The following KCP variants were observed in gnomAD, a reference collection of about 807,000 sequenced individuals.
KCP encodes the protein kielin cysteine rich BMP regulator, also known as kielin/chordin-like protein.
In KCP, 194 loss-of-function variants were observed where a neutral mutation model predicts 212.7. The observed-to-expected ratio is 0.91, with a 90% CI of 0.81 to 1.03. The LOEUF is 1.03. KCP is among the 50% of genes least tolerant of loss of function. The pLI is 0.00. For missense variants in KCP, 2,080 were observed against 2,162.5 expected (o/e 0.96, Z 0.76); for synonymous variants, 833 against 865.3 (o/e 0.96, Z 0.65).
chr7:128,882,064 G>A (rs1004928819), intron 29 of KCP, 48 bp from the exon 30 acceptor site: 15 of 1,430,020 alleles, frequency 1.0e-5, no homozygotes, highest in Non-Finnish European at 1.4e-5. Context: ...GGGGCACAGG[G>A]CTGGAAATCC....
Position 128,877,714 on chromosome 7 carries a change from C to G in KCP, c.4388G>C (p.Arg1463Pro). 6.4e-7 allele frequency: 1 copy of G among 1,551,148 alleles called. No homozygotes were observed. The highest frequency in any genetic ancestry group is 8.7e-7 in the Non-Finnish European group (1 of 1,146,972). Residue 1463 changes from arginine to proline, a missense_variant, in exon 39 of 40, where the codon CGT becomes CCT. Arg to Pro is a moderately radical substitution (Grantham distance 103, BLOSUM62 -2). Transcript: ENST00000610776. ...CCGGGCATTGGCCTCACGCCTGGCA[C>G]GGTAACCTGCTGCCCGGCACGGATC... is the stretch of plus-strand genomic sequence containing the variant. ...EVDPCRAAGY[R>P]ARREANARCG...
In KCP at chr7:128,889,199, G is replaced by C. The variant is rs149436845; in HGVS notation, c.2336-160C>G. Among the ~76,000 whole-genome samples the C allele has an allele frequency of 6.8e-3, 1,018 of 150,404 alleles. 5 individuals are homozygous for C. The highest frequency in any genetic ancestry group is 0.027 in the South Asian group (128 of 4,694). ...GCCAAGCCCAGGGGGCAAAGCAGTC[G>C]TGAGGGGGGCGGGGTTTGGATTGGC... is the stretch of plus-strand genomic sequence containing the variant. On this transcript the variant is annotated intron_variant, in intron 21 of 39. Transcript: ENST00000610776.
intron 22 of KCP, 86 bp downstream of exon 22, chr7:128,888,777 G>A: frequency 3.1e-6 from 4 of 1,284,092 alleles, no homozygotes; most frequent in Admixed American, 4.6e-5. Context: ...GGCAGGCAGT[G>A]GGAGGGCTGG....
In KCP at chr7:128,877,773, C is replaced by A. The variant is rs1278857981; in HGVS notation, c.4329G>T (p.Trp1443Cys). 2.6e-6 allele frequency: 4 copies of A among 1,548,522 alleles called. No individual in the cohort carries two copies. The highest frequency in any genetic ancestry group is 4.9e-5 in the East Asian group (2 of 40,890). Residue 1443 changes from tryptophan to cysteine, a missense_variant, in exon 39 of 40, where the codon TGG (tryptophan) becomes TGT (cysteine). Physicochemically the swap from Trp to Cys is radical, Grantham distance 215. Transcript: ENST00000610776. ...GNSWQVSEGL[W>C]PGRPCSAGRE... ...GGCCTGCAGAACAGGGCCGGCCAGG[C>A]CACAGCCCCTCTGAGACCTGGGTGG...
intron 29 of KCP, among the ~76,000 whole-genome samples, chr7:128,882,611 G>A (rs577885982): frequency 5.3e-4 from 81 of 152,286 alleles, no homozygotes; most frequent in African/African-American, 1.9e-3. Flanking sequence ...TTCCCCTGAA[G>A]CACCCCCTAG....
chr7:128,879,500 C>T (rs1793183502), intron 37 of KCP, 22 bp downstream of exon 37: 2 of 1,543,600 alleles, frequency 1.3e-6, no homozygotes, highest in Admixed American at 2.0e-5. Context: ...GCAGCCCACC[C>T]AGACTCGCCC....
intron 5 of KCP, 190 bp from the exon 6 acceptor site, chr7:128,904,328 T>A: frequency 6.4e-7 from 1 of 1,551,900 alleles, no homozygotes; most frequent in Non-Finnish European, 8.7e-7. Flanking sequence ...GGTGCAGCTC[T>A]CCAAGCAGTT....
At position 128,881,015 on chromosome 7, in the gene KCP, G is replaced by A. The variant is rs1248368475; in HGVS notation, c.3495C>T (p.Cys1165=). 2.5e-6 allele frequency: 1 copy of A among 398,998 alleles called. No individual in the cohort carries two copies. The highest frequency in any genetic ancestry group is 4.4e-6 in the Non-Finnish European group (1 of 226,346). The allele number at this position is 398,998 out of a possible 1,614,324, so 24.7% of individuals were successfully genotyped here. Residue 1165 remains cysteine, a synonymous_variant, in exon 32 of 40, where the codon TGC becomes TGT. Transcript: ENST00000610776. The part of the protein sequence containing the change: ...GESWRDPSNA[C]IACTCHRGHV... ...AGCTCACATGGCAGGTGCAGGCGAT[G>A]CACGCATTGCTGGGGTCCCGCCAGC... is the stretch of plus-strand genomic sequence containing the variant.
Position 128,880,430 on chromosome 7 carries a change from C to T in KCP, c.3715G>A (p.Val1239Met), listed in dbSNP as rs749697029. 244 of 1,546,136 alleles carry T rather than the reference C, an allele frequency of 1.6e-4. No homozygotes were observed. The Admixed American group carries it at 2.9e-3, about 18-fold the overall frequency. The part of the protein sequence containing the change: ...CTSCSCMAGT[V>M]RCQSQRCSPL... ...GAGCAGCGCTGGCTCTGGCAACGCA[C>T]GGTGCCCGCCATGCAGGAGCAGCTG... The change falls in exon 34 of 40, where the codon GTG (valine) becomes ATG (methionine). Residue 1239 changes from valine (V) to methionine (M), a missense_variant. Val to Met is a conservative substitution (Grantham distance 21). Transcript: ENST00000610776.
In KCP at chr7:128,893,092, G is replaced by A. The variant is rs905311016; in HGVS notation, c.1268-71C>T. 13 of 961,554 alleles carry A rather than the reference G, an allele frequency of 1.4e-5. No homozygotes were observed. The South Asian group carries it at 1.7e-4, about 12-fold the overall frequency. 59.6% of individuals were successfully genotyped at this position (961,554 alleles called of 1,614,324 possible). A position where few individuals can be genotyped will look rare whatever the true frequency, so the allele number is the denominator to read the frequency against. On this transcript the variant is annotated intron_variant, in intron 13 of 39. Transcript: ENST00000610776. ...CATCCCTGTCCTTCCCAGGACACAG[G>A]GACCCCACCTTCGCCATCCCCGCTG... is the stretch of plus-strand genomic sequence containing the variant.
In KCP at chr7:128,908,244, A is replaced by AAAG. The variant is rs1452634314; in HGVS notation, c.219+179_219+181dup. Among the ~76,000 whole-genome samples, 396 of 92,668 alleles carry AAAG rather than the reference A, an allele frequency of 4.3e-3. 7 individuals carry two copies. Among genetic ancestry groups the AAAG allele is most frequent in the Non-Finnish European group, 6.4e-3 (290 of 45,296 alleles). The allele number at this position is 92,668 out of a possible 152,430, so 60.8% of individuals were successfully genotyped here. ...GGAGGGAAGGAAAGAAGAAAGGAAG[A>AAAG]AAGAAAGAAGAAAGAAAGAAAGAAA... On this transcript the variant is annotated intron_variant, in intron 2 of 39. Transcript: ENST00000610776.
chr7:128,881,553 C>T (rs1793334771), intron 31 of KCP, 73 bp downstream of exon 31: 3 of 1,101,264 alleles, frequency 2.7e-6, no homozygotes, highest in Non-Finnish European at 3.7e-6. Flanking sequence ...CCCGCTTGGC[C>T]CATGAATGCC....
intron 8 of KCP, among the ~76,000 whole-genome samples, chr7:128,896,411 C>T (rs760703429): frequency 3.9e-5 from 6 of 152,126 alleles, no homozygotes; most frequent in Non-Finnish European, 7.3e-5. Flanking sequence ...TGGGTAAAAT[C>T]CCTCCCGGTT....
chr7:128,893,453 ACTGGTGTCC>A lies in KCP; in HGVS notation c.1114_1122del (p.Gly372_Gln374del). ...AGTCTGAAGGTCTCCTGGCTCTGAT[ACTGGTGTCC>A]CTGGTACTCACAGCCTGGATGGGAT... On this transcript the variant is annotated inframe_deletion, in exon 12 of 40. Transcript: ENST00000610776. 7 of 1,551,450 alleles carry A rather than the reference ACTGGTGTCC, an allele frequency of 4.5e-6. No individual in the cohort carries two copies. The highest frequency in any genetic ancestry group is 6.1e-6 in the Non-Finnish European group (7 of 1,146,838).
chr7:128,908,634 TTC>T, intron 1 of KCP, 66 bp from the exon 2 acceptor site: 1 of 1,495,060 alleles, frequency 6.7e-7, no homozygotes, highest in Non-Finnish European at 9.0e-7. Context: ...ATTTTCTGGG[TTC>T]TGTCTTCTGA....
intron 26 of KCP, among the ~76,000 whole-genome samples, chr7:128,885,855 C>T (rs1793615599): frequency 6.6e-6 from 1 of 152,198 alleles, no homozygotes; most frequent in Non-Finnish European, 1.5e-5. Context: ...CCTTCTCTAC[C>T]TCTCTGTACC....
intron 5 of KCP, among the ~76,000 whole-genome samples, chr7:128,905,685 C>T (rs1473231177): frequency 2.0e-5 from 3 of 152,238 alleles, no homozygotes; most frequent in Non-Finnish European, 4.4e-5. Flanking sequence ...CAATACCCCC[C>T]ACTGCCCATA....
Position 128,889,321 on chromosome 7 carries a change from T to A in KCP, c.2336-282A>T, listed in dbSNP as rs998896286. Among the ~76,000 whole-genome samples, 6 of 152,178 alleles carry A rather than the reference T, an allele frequency of 3.9e-5. No homozygotes were observed. The South Asian group carries it at 1.2e-3, about 31-fold the overall frequency. On this transcript the variant is annotated intron_variant, in intron 21 of 39. Transcript: ENST00000610776. ...GGAATCTGCTGCCCCTGGGGTTAAATACTCAGCAGGCCATTGCCAGAGGCA... is the reference window on the plus strand; with the variant it reads ...GGAATCTGCTGCCCCTGGGGTTAAAAACTCAGCAGGCCATTGCCAGAGGCA...
intron 11 of KCP, 125 bp from the exon 12 acceptor site, chr7:128,893,601 G>A: frequency 2.1e-6 from 2 of 973,538 alleles, no homozygotes; most frequent in Admixed American, 4.4e-5. Context: ...AGGGCGCCCT[G>A]CCAGCAGCCC....
Sources: gnomAD v4.1 joint callset for allele counts (sites outside exome capture counted in the v4.1 genomes callset) on GRCh38, gnomAD v4.1.1 for gene constraint, MANE v1.5 for transcripts, NCBI Gene and HGNC (gene_info 2026-07-23, HGNC 2026-07-21) for gene names.